Variants in FER1L5 observed in about 807,000 individuals in gnomAD.
The protein encoded by FER1L5 is fer-1 like family member 5.
In FER1L5, 187 loss-of-function variants were observed where a neutral mutation model predicts 279.9. The ratio of observed to expected loss-of-function variants is 0.67; its 90% CI spans 0.59 to 0.75. The LOEUF (loss-of-function observed/expected upper bound fraction) is 0.75. FER1L5 is among the 30% of genes least tolerant of loss of function. The pLI is 0.00. For missense variants in FER1L5, 2,091 were observed against 2,594.4 expected (o/e 0.81, Z 4.21); for synonymous variants, 921 against 989.7 (o/e 0.93, Z 1.30).
At chr2:96,683,321 T>C (rs1453160894) in intron 19 of FER1L5, among the ~76,000 whole-genome samples, 1 of 152,172 alleles carries the variant, frequency 6.6e-6, no homozygotes, top group Non-Finnish European at 1.5e-5. Flanking sequence ...GCGGTTGCTG[T>C]GGTCCTTGGT....
chr2:96,662,315 A>G (rs2075984078), intron 13 of FER1L5, 48 bp downstream of exon 13: 2 of 1,537,862 alleles, frequency 1.3e-6, no homozygotes, highest in East Asian at 2.5e-5. Context: ...CATCTAGAGA[A>G]AGTAGTTTGG....
At chr2:96,684,202 A>T in intron 19 of FER1L5, 125 bp from the exon 20 acceptor site, 1 of 1,295,298 alleles carries the variant, frequency 7.7e-7, no homozygotes, top group Non-Finnish European at 1.0e-6. Flanking sequence ...TCCAGTCAGC[A>T]TTGTTAGCAG....
At chr2:96,679,369 G>A (rs547572484) in intron 19 of FER1L5, among the ~76,000 whole-genome samples, 10 of 152,204 alleles carry the variant, frequency 6.6e-5, no homozygotes, top group East Asian at 3.9e-4. Context: ...GATTACAGGC[G>A]CGTGTCACCA....
rs535376843 is a variant in FER1L5 at position 96,702,424 on chromosome 2, C to T, written c.5255+23C>T. Reference sequence around the variant, plus strand: ...AGGGTAGGGAAGAGGAGTCAGGCTCCGGCAGAGCCCCTCAGTTCCCCAGTT... The same window carrying T: ...AGGGTAGGGAAGAGGAGTCAGGCTCTGGCAGAGCCCCTCAGTTCCCCAGTT... On this transcript the variant is annotated intron_variant, in intron 47 of 52. Coordinates refer to ENST00000624922, the MANE Select transcript of FER1L5 (RefSeq NM_001293083.2). This position sits in a 1 kb window ranked among gnomAD's most constrained non-coding sequence, Gnocchi z 4.0. The T allele has an allele frequency of 1.4e-5, 22 of 1,595,234 alleles. No homozygotes were observed. Among genetic ancestry groups the T allele is most frequent in the African/African-American group, 4.0e-5 (3 of 74,490 alleles).
rs368505145 is a variant in FER1L5 at position 96,698,208 on chromosome 2, C to A, written c.4356+52C>A. 13 of 1,522,110 alleles carry A rather than the reference C, an allele frequency of 8.5e-6. No homozygotes were observed. The African/African-American group carries it at 1.8e-4, about 21-fold the overall frequency. 94.3% of individuals were successfully genotyped at this position (1,522,110 alleles called of 1,614,324 possible). ...CCCTGTCTCCTTGTGCACCTTCTGT[C>A]CCTGGAAAACGAATAAAAGCCCTGG... On this transcript the variant is annotated intron_variant, in intron 40 of 52. Transcript: ENST00000624922. This position sits in a 1 kb window ranked among gnomAD's most constrained non-coding sequence, Gnocchi z 5.5.
chr2:96,650,727 G>A (rs1160191120), intron 6 of FER1L5, among the ~76,000 whole-genome samples: 2 of 152,160 alleles, frequency 1.3e-5, no homozygotes, highest in African/African-American at 4.8e-5. Flanking sequence ...CTCATCCCAT[G>A]GCTTATCAAC....
chr2:96,693,658 G>C lies in FER1L5; in HGVS notation c.3445G>C (p.Val1149Leu). Residue 1149 changes from valine (V) to leucine (L), a missense_variant, in exon 32 of 53, where the codon GTG becomes CTG. Physicochemically the swap from Val to Leu is conservative, Grantham distance 32 (BLOSUM62 1). Transcript: ENST00000624922. ...QDTKESPPLV[V>L]LELWQRDFWG... ...CACCAAAGAGAGCCCACCGCTTGTG[G>C]TGCTGGAGCTGTGGCAGCGTGACTT... 6.4e-7 allele frequency: 1 copy of C among 1,551,690 alleles called. No individual in the cohort carries two copies.
chr2:96,662,149 G>T, intron 12 of FER1L5, 66 bp from the exon 13 acceptor site: 5 of 1,486,812 alleles, frequency 3.4e-6, no homozygotes, highest in Non-Finnish European at 4.6e-6. Flanking sequence ...TTGTTCTGTC[G>T]CCACCCTATT....
chr2:96,670,876 G>A (rs1272313592), intron 18 of FER1L5, among the ~76,000 whole-genome samples: 1 of 151,934 alleles, frequency 6.6e-6, no homozygotes, highest in African/African-American at 2.4e-5. Context: ...AGGCTCAGGC[G>A]GGCAGATCAC....
At chr2:96,650,374 A>G in intron 6 of FER1L5, 85 bp downstream of exon 6, 1 of 1,121,896 alleles carries the variant, frequency 8.9e-7, no homozygotes, top group Non-Finnish European at 1.3e-6. Flanking sequence ...CCCCTCCCCA[A>G]GGTCATGGTA....
chr2:96,697,884 G>T, intron 39 of FER1L5, 123 bp downstream of exon 39: 1 of 1,448,296 alleles, frequency 6.9e-7, no homozygotes, highest in Non-Finnish European at 9.4e-7. Context: ...CCCAGAGACA[G>T]CTCCAGCTGC....
chr2:96,654,751 T>G, intron 9 of FER1L5: 3 of 206,518 alleles, frequency 1.5e-5, no homozygotes, highest in Non-Finnish European at 9.6e-6. Flanking sequence ...TACAAAAAAT[T>G]AGCGGGGTGA....
chr2:96,663,454 C>G lies in FER1L5; in HGVS notation c.1087C>G (p.Gln363Glu), dbSNP rs2076021301. 1.3e-6 allele frequency: 2 copies of G among 1,551,640 alleles called. No individual in the cohort carries two copies. Among genetic ancestry groups the G allele is most frequent in the Non-Finnish European group, 1.7e-6 (2 of 1,146,942 alleles). Reference protein sequence around the residue: ...LIGEKLRTHMQTQTDNPIWNQ... With the variant: ...LIGEKLRTHMETQTDNPIWNQ... ...GACATTCCAGCTCAGGACACACATGCAGACCCAAACCGACAACCCGATATG... is the reference window on the plus strand; with the variant it reads ...GACATTCCAGCTCAGGACACACATGGAGACCCAAACCGACAACCCGATATG... The change falls in exon 14 of 53, where the codon CAG becomes GAG. Residue 363 changes from glutamine (Q) to glutamate (E), a missense_variant. Gln to Glu is a conservative substitution (Grantham distance 29). Coordinates refer to ENST00000624922, the MANE Select transcript of FER1L5 (RefSeq NM_001293083.2).
chr2:96,664,570 C>A (rs2076064249), intron 14 of FER1L5, among the ~76,000 whole-genome samples: 1 of 152,106 alleles, frequency 6.6e-6, no homozygotes, highest in South Asian at 2.1e-4. Flanking sequence ...ATGGATGTAC[C>A]ACAGTTTGCT....
rs771460602 is a variant in FER1L5, at chr2:96,697,719, C to G, written c.4194C>G (p.His1398Gln). ...WSKLFWATDE[H>Q]KSLKYKYKDY... ...AGCTGTTCTGGGCCACAGATGAGCA[C>G]AAGTCCCTGAAGTACAAGTACAAAG... The change falls in exon 39 of 53, where the codon CAC becomes CAG. Residue 1398 changes from histidine (H) to glutamine (Q), a missense_variant. Physicochemically the swap from His to Gln is conservative, Grantham distance 24. Transcript: ENST00000624922. 1 of 1,614,006 alleles carries G rather than the reference C, an allele frequency of 6.2e-7. No individual in the cohort carries two copies. The highest frequency in any genetic ancestry group is 1.1e-5 in the South Asian group (1 of 91,086).
intron 9 of FER1L5, among the ~76,000 whole-genome samples, chr2:96,658,134 A>G (rs2075672697): frequency 1.3e-5 from 2 of 151,080 alleles, no homozygotes; most frequent in Admixed American, 1.3e-4. Context: ...TTCCTGCCTC[A>G]GACTCCCGAG....
chr2:96,646,925 A>C (rs774249425), intron 2 of FER1L5, 139 bp from the exon 3 acceptor site: 2 of 888,192 alleles, frequency 2.3e-6, no homozygotes, highest in Non-Finnish European at 3.4e-6. Context: ...CCATCTCCTG[A>C]GGAAATTAGA....
In FER1L5 at chr2:96,698,690, C is replaced by A; in HGVS notation, c.4376C>A (p.Pro1459His). ...CGCCAGGGCCTTTTCCGCATCTACC[C>A]CTTTCCTGAGAATCCAGAAGCCCCA... is the stretch of plus-strand genomic sequence containing the variant. ...GEFKGLFRIYPFPENPEAPKP... is the reference protein window; with the variant it reads ...GEFKGLFRIYHFPENPEAPKP... The change falls in exon 41 of 53, where the codon CCC becomes CAC. Residue 1459 changes from proline to histidine, a missense_variant. Physicochemically the swap from Pro to His is moderately conservative, Grantham distance 77 (BLOSUM62 -2). Transcript: ENST00000624922. The surrounding 1 kb of genome is among the most constrained non-coding windows in gnomAD (Gnocchi z 5.5). The A allele has an allele frequency of 6.3e-7, 1 of 1,589,238 alleles. No individual in the cohort carries two copies. Among genetic ancestry groups the A allele is most frequent in the East Asian group, 2.3e-5 (1 of 43,318 alleles).
chr2:96,700,606 A>G, intron 45 of FER1L5, 135 bp downstream of exon 45: 1 of 1,185,406 alleles, frequency 8.4e-7, no homozygotes, highest in Non-Finnish European at 1.2e-6. Flanking sequence ...CATGCACAGA[A>G]GACAAGCATG....
Sources: gnomAD v4.1 joint callset for allele counts (sites outside exome capture counted in the v4.1 genomes callset) on GRCh38, gnomAD v4.1.1 for gene constraint, Gnocchi (gnomAD v3.1) non-coding constraint, MANE v1.5 for transcripts, NCBI Gene and HGNC (gene_info 2026-07-23, HGNC 2026-07-21) for gene names.